PRKCB: variants seen among roughly 807,000 people sequenced by gnomAD.
PRKCB encodes the protein protein kinase C beta.
In PRKCB, 13 loss-of-function variants were observed where a neutral mutation model predicts 81.5. That is an observed-to-expected ratio of 0.16 (90% CI 0.10 to 0.25). The LOEUF is 0.25. Ranked by LOEUF, PRKCB falls within the 10% of genes least tolerant of loss-of-function variation. The probability of loss-of-function intolerance (pLI) is 1.00; values close to 1 mark genes in which losing one functional copy is unlikely to be tolerated. For missense variants in PRKCB, 509 were observed against 875.7 expected (o/e 0.58, Z 5.29); for synonymous variants, 335 against 321.4 (o/e 1.04, Z -0.45).
chr16:24,002,223 G>A lies in PRKCB; in HGVS notation c.288+13633G>A, dbSNP rs116777762. Among the ~76,000 whole-genome samples, 531 of 152,110 alleles carry A rather than the reference G, an allele frequency of 3.5e-3. 4 individuals are homozygous for A. The highest frequency in any genetic ancestry group is 0.013 in the African/African-American group (520 of 41,466). On this transcript the variant is annotated intron_variant, in intron 3 of 16. Coordinates refer to ENST00000643927, the MANE Select transcript of PRKCB (RefSeq NM_002738.7). The stretch of plus-strand genomic sequence containing the variant: ...TGGGCATTTCATTTTTCCTCCATGC[G>A]TCCTCTTTTCCTCCACCAGGCTAGC...
intron 2 of PRKCB, among the ~76,000 whole-genome samples, chr16:23,849,744 A>G (rs1962441358): frequency 6.6e-6 from 1 of 152,214 alleles, no homozygotes; most frequent in African/African-American, 2.4e-5. Context: ...TTGATGGGGT[A>G]CAATGTGATG....
intron 2 of PRKCB, among the ~76,000 whole-genome samples, chr16:23,900,928 A>T (rs1963462832): frequency 6.6e-6 from 1 of 151,760 alleles, no homozygotes; most frequent in Non-Finnish European, 1.5e-5. Context: ...GTGCATTTTA[A>T]ATTTGGCTAG....
intron 16 of PRKCB, among the ~76,000 whole-genome samples, chr16:24,210,065 G>C (rs1042734532): frequency 6.6e-6 from 1 of 152,138 alleles, no homozygotes; most frequent in Non-Finnish European, 1.5e-5. Context: ...GCAGTGAGCT[G>C]TGATCATGCC....
At chr16:24,114,131 A>G (rs988183602) in intron 8 of PRKCB, among the ~76,000 whole-genome samples, 1 of 150,190 alleles carries the variant, frequency 6.7e-6, no homozygotes. Flanking sequence ...AGGCACAAGA[A>G]TTTCTCTGGG....
rs372701317 is a variant in PRKCB, at chr16:23,889,935, T to C, written c.205+52529T>C. 3.3e-5 allele frequency among the ~76,000 whole-genome samples: 5 copies of C among 152,374 alleles called. No individual in the cohort carries two copies. In the East Asian group the frequency reaches 7.7e-4, roughly 23 times the overall value. ...CCTATTACTAGCTGGCATTTTCTTA[T>C]ATTTTTTGGAGTTTCCTCCCAAAAT... On this transcript the variant is annotated intron_variant, in intron 2 of 16. Coordinates refer to ENST00000643927, the MANE Select transcript of PRKCB (RefSeq NM_002738.7).
Position 24,178,475 on chromosome 16 carries a change from T to C in PRKCB, c.1395-2315T>C, listed in dbSNP as rs74376094. On this transcript the variant is annotated intron_variant, in intron 12 of 16. Coordinates refer to ENST00000643927, the MANE Select transcript of PRKCB (RefSeq NM_002738.7). The stretch of plus-strand genomic sequence containing the variant: ...CTATAATAGATGAAGATTTTATCAC[T>C]TCCCTAGTCTACCCAGCTGCCTGCT... Among the ~76,000 whole-genome samples, 30 of 152,380 alleles carry C rather than the reference T, an allele frequency of 2.0e-4. 1 individual carries two copies. The East Asian group carries it at 5.8e-3, about 29-fold the overall frequency.
chr16:23,924,965 G>A (rs1164382437), intron 2 of PRKCB, among the ~76,000 whole-genome samples: 1 of 152,008 alleles, frequency 6.6e-6, no homozygotes, highest in Non-Finnish European at 1.5e-5. Context: ...GTTCATTCTG[G>A]ACCTGGGTAA....
intron 5 of PRKCB, among the ~76,000 whole-genome samples, chr16:24,075,117 C>CA (rs35609342): frequency 0.064 from 7,014 of 109,378 alleles, 561 homozygotes; most frequent in African/African-American, 0.21. Flanking sequence ...GACCCTATCT[C>CA]AAAAAAAAAA....
At chr16:23,837,493 G>A (rs1280715747) in intron 2 of PRKCB, 87 bp downstream of exon 2, 4 of 1,510,500 alleles carry the variant, frequency 2.6e-6, no homozygotes, top group Admixed American at 4.2e-5. Context: ...TAGGCAGAGA[G>A]TGAAAGAATC....
intron 3 of PRKCB, among the ~76,000 whole-genome samples, chr16:23,996,785 T>C (rs997822078): frequency 5.9e-5 from 9 of 152,234 alleles, no homozygotes; most frequent in Admixed American, 2.0e-4. Context: ...CTGAAGCAGC[T>C]GGCTTGATAG....
chr16:23,853,144 T>C (rs533745646), intron 2 of PRKCB, among the ~76,000 whole-genome samples: 43 of 152,366 alleles, frequency 2.8e-4, no homozygotes, highest in Non-Finnish European at 5.4e-4. Context: ...TAGGAAAACT[T>C]GAGCTCACAA....
intron 5 of PRKCB, among the ~76,000 whole-genome samples, chr16:24,051,611 A>G (rs888061613): frequency 6.6e-6 from 1 of 152,206 alleles, no homozygotes; most frequent in Non-Finnish European, 1.5e-5. Context: ...GCAGTGGCTC[A>G]TGCCTGTAAT....
At chr16:24,058,204 C>CGCCTCTGA in intron 5 of PRKCB, among the ~76,000 whole-genome samples, 1 of 152,188 alleles carries the variant, frequency 6.6e-6, no homozygotes, top group East Asian at 1.9e-4. Flanking sequence ...TCAGAAAGCC[C>CGCCTCTGA]GCCTCTGAGT....
chr16:24,219,886 C>T lies in PRKCB; in HGVS notation c.*5070C>T, dbSNP rs1002754926. ...TCTGCTCATGAGATGGTATCAGCCA[C>T]CCAATGACTGGCGTATCTTGGTCCT... On this transcript the variant is annotated 3_prime_UTR_variant, in exon 17 of 17. Transcript: ENST00000643927. 1 of 1,543,250 alleles carries T rather than the reference C, an allele frequency of 6.5e-7. No homozygotes were observed. The highest frequency in any genetic ancestry group is 1.4e-5 in the African/African-American group (1 of 72,928).
chr16:24,108,621 C>T (rs1291763035), intron 7 of PRKCB, among the ~76,000 whole-genome samples: 2 of 149,850 alleles, frequency 1.3e-5, no homozygotes, highest in Admixed American at 1.3e-4. Context: ...TTAATCCATT[C>T]AACCCTGAGT....
At chr16:24,034,306 G>T (rs921925879) in intron 4 of PRKCB, among the ~76,000 whole-genome samples, 27 of 152,284 alleles carry the variant, frequency 1.8e-4, no homozygotes, top group African/African-American at 6.5e-4. Context: ...GACTTGGGTG[G>T]TCTGAGAAGG....
At chr16:24,089,378 G>A (rs1258638074) in intron 5 of PRKCB, among the ~76,000 whole-genome samples, 1 of 152,096 alleles carries the variant, frequency 6.6e-6, no homozygotes, top group East Asian at 1.9e-4. Flanking sequence ...CCTGTGGAAG[G>A]GTTCGAGTAA....
At chr16:23,915,758 A>G (rs1218426484) in intron 2 of PRKCB, among the ~76,000 whole-genome samples, 1 of 149,762 alleles carries the variant, frequency 6.7e-6, no homozygotes, top group East Asian at 2.0e-4. Context: ...AATACTTTTT[A>G]CAATTCTTAA....
intron 9 of PRKCB, among the ~76,000 whole-genome samples, chr16:24,137,044 A>ATTTTTT (rs11321761): frequency 1.4e-5 from 2 of 139,560 alleles, no homozygotes; most frequent in Non-Finnish European, 1.6e-5. Flanking sequence ...TGCCCGGCTA[A>ATTTTTT]TTTTTTTTTT....
Sources: gnomAD v4.1 joint callset for allele counts (sites outside exome capture counted in the v4.1 genomes callset) on GRCh38, gnomAD v4.1.1 for gene constraint, MANE v1.5 for transcripts, NCBI Gene and HGNC (gene_info 2026-07-23, HGNC 2026-07-21) for gene names.